Variants in OXR1 observed in about 807,000 individuals in gnomAD.
OXR1 encodes oxidation resistance protein 1.
Under a neutral mutation model 104.6 loss-of-function variants are expected in OXR1, and 41 were observed. That is an observed-to-expected ratio of 0.39 (90% CI 0.31 to 0.51). The LOEUF is 0.51. OXR1 is among the 20% of genes least tolerant of loss of function. OXR1 has a pLI of 0.77. For missense variants in OXR1, 955 were observed against 1,031.9 expected (o/e 0.93, Z 1.02); for synonymous variants, 348 against 348.4 (o/e 1.00, Z 0.01).
At chr8:106,349,694 A>T (rs1815643227) in intron 1 of OXR1, among the ~76,000 whole-genome samples, 1 of 152,176 alleles carries the variant, frequency 6.6e-6, no homozygotes, top group African/African-American at 2.4e-5. Flanking sequence ...GAACAGTGAA[A>T]ATTGGAGAGC....
intron 11 of OXR1, among the ~76,000 whole-genome samples, chr8:106,716,904 A>C (rs1832317451): frequency 6.6e-6 from 1 of 152,154 alleles, no homozygotes; most frequent in Non-Finnish European, 1.5e-5. Context: ...AGTGCCTAAA[A>C]AAATGTTTGT....
intron 3 of OXR1, among the ~76,000 whole-genome samples, chr8:106,622,459 A>C (rs1821791084): frequency 7.6e-6 from 1 of 131,838 alleles, no homozygotes; most frequent in Non-Finnish European, 1.6e-5. Context: ...CCCAGCACAC[A>C]CACACACACA....
At chr8:106,274,114 G>C (rs973447250) in intron 1 of OXR1, among the ~76,000 whole-genome samples, 2 of 152,090 alleles carry the variant, frequency 1.3e-5, no homozygotes, top group East Asian at 3.9e-4. Context: ...GTATTTATAG[G>C]TATCTACATA....
intron 3 of OXR1, among the ~76,000 whole-genome samples, chr8:106,677,393 T>C (rs1276237498): frequency 6.6e-6 from 1 of 152,128 alleles, no homozygotes; most frequent in Non-Finnish European, 1.5e-5. Context: ...TGTAGAAGAA[T>C]TAGAATACTT....
At chr8:106,307,929 TAATC>T (rs1040994133) in intron 1 of OXR1, among the ~76,000 whole-genome samples, 1 of 151,914 alleles carries the variant, frequency 6.6e-6, no homozygotes, top group Admixed American at 6.6e-5. Context: ...CCACTTATAT[TAATC>T]AATGATTTTC....
intron 3 of OXR1, among the ~76,000 whole-genome samples, chr8:106,519,882 C>T (rs1464291084): frequency 6.6e-6 from 1 of 152,146 alleles, no homozygotes. Flanking sequence ...CCATATTAGC[C>T]CAGCATGTCT....
chr8:106,563,315 GA>G (rs1324864964), intron 3 of OXR1, among the ~76,000 whole-genome samples: 4 of 124,040 alleles, frequency 3.2e-5, no homozygotes, highest in East Asian at 2.5e-4. Flanking sequence ...AAAAAAAAAA[GA>G]AAAAAAAAGC....
At chr8:106,299,107 C>T (rs1767720010) in intron 1 of OXR1, among the ~76,000 whole-genome samples, 1 of 152,100 alleles carries the variant, frequency 6.6e-6, no homozygotes, top group South Asian at 2.1e-4. Context: ...TCATTGCTCA[C>T]TCATGTGAAC....
chr8:106,377,127 A>G (rs1265577051), intron 2 of OXR1, among the ~76,000 whole-genome samples: 1 of 152,194 alleles, frequency 6.6e-6, no homozygotes, highest in Non-Finnish European at 1.5e-5. Flanking sequence ...TTGGAAAACA[A>G]TAGTTCAAAC....
intron 1 of OXR1, among the ~76,000 whole-genome samples, chr8:106,288,764 T>C (rs1201673363): frequency 6.7e-6 from 1 of 148,536 alleles, no homozygotes; most frequent in Non-Finnish European, 1.5e-5. Flanking sequence ...TGTGTATATA[T>C]ATGTGTATAT....
intron 2 of OXR1, among the ~76,000 whole-genome samples, chr8:106,511,031 A>G (rs578156366): frequency 6.6e-6 from 1 of 152,344 alleles, no homozygotes; most frequent in South Asian, 2.1e-4. Context: ...AAAGAATAGT[A>G]TGGCCACTGC....
intron 3 of OXR1, among the ~76,000 whole-genome samples, chr8:106,535,552 C>G (rs1814449189): frequency 6.6e-6 from 1 of 152,186 alleles, no homozygotes; most frequent in Non-Finnish European, 1.5e-5. Flanking sequence ...ATCTCTGTTT[C>G]TCTCCTGAGC....
chr8:106,551,813 TAC>T lies in OXR1; in HGVS notation c.220+32688_220+32689del, dbSNP rs1554592489. On this transcript the variant is annotated intron_variant, in intron 3 of 16. Transcript: ENST00000517566. ...ACATATATATATATATATATATATA[TAC>T]ACACACACACACATATATATATGTG... Among the ~76,000 whole-genome samples the T allele has an allele frequency of 3.2e-4, 31 of 95,984 alleles. No individual in the cohort carries two copies. In the East Asian group the frequency reaches 3.8e-3, roughly 12 times the overall value. 63.0% of individuals were successfully genotyped at this position (95,984 alleles called of 152,430 possible).
intron 1 of OXR1, among the ~76,000 whole-genome samples, chr8:106,288,422 A>C (rs3019308): frequency 6.6e-6 from 1 of 151,706 alleles, no homozygotes; most frequent in African/African-American, 2.4e-5. Flanking sequence ...GGAATGTCCA[A>C]ATATTTCCTA....
chr8:106,478,024 A>G (rs1321982955), intron 2 of OXR1, among the ~76,000 whole-genome samples: 1 of 151,874 alleles, frequency 6.6e-6, no homozygotes, highest in African/African-American at 2.4e-5. Flanking sequence ...AGGGAGTAAA[A>G]GGGAAGTAAA....
intron 1 of OXR1, among the ~76,000 whole-genome samples, chr8:106,312,912 A>C (rs1813768576): frequency 6.6e-6 from 1 of 152,180 alleles, no homozygotes; most frequent in South Asian, 2.1e-4. Flanking sequence ...CAGGAATCAG[A>C]TGACACCCAA....
At chr8:106,696,964 C>T (rs1830097805) in intron 7 of OXR1, among the ~76,000 whole-genome samples, 1 of 152,238 alleles carries the variant, frequency 6.6e-6, no homozygotes, top group African/African-American at 2.4e-5. Context: ...AGGCTCCTCC[C>T]TATAAATTAA....
At chr8:106,747,068 A>C (rs983011276) in intron 16 of OXR1, among the ~76,000 whole-genome samples, 1 of 152,216 alleles carries the variant, frequency 6.6e-6, no homozygotes, top group African/African-American at 2.4e-5. Flanking sequence ...TTCAGAAAGC[A>C]GAAACTACAG....
At chr8:106,549,646 T>A (rs991578911) in intron 3 of OXR1, among the ~76,000 whole-genome samples, 3 of 152,200 alleles carry the variant, frequency 2.0e-5, no homozygotes, top group Non-Finnish European at 2.9e-5. Context: ...GAGTTCAAGA[T>A]CAACGCACCT....
Sources: allele counts gnomAD v4.1 joint callset (sites outside exome capture counted in the v4.1 genomes callset), GRCh38; gene constraint gnomAD v4.1.1; transcripts MANE v1.5; gene names NCBI Gene and HGNC (gene_info 2026-07-23, HGNC 2026-07-21).